Variants in TFB1M observed in about 807,000 individuals in gnomAD.
TFB1M encodes the protein dimethyladenosine transferase 1, mitochondrial.
A neutral mutation model predicts 31.1 loss-of-function variants in TFB1M; 27 were observed. The ratio of observed to expected loss-of-function variants is 0.87; its 90% CI spans 0.64 to 1.20. TFB1M has a LOEUF of 1.20. TFB1M is among the 50% of genes most tolerant of loss of function. The pLI is 0.00. For missense variants in TFB1M, 394 were observed against 418.7 expected, an observed-to-expected ratio of 0.94 and a Z score of 0.51; for synonymous variants, 166 against 151.8, an observed-to-expected ratio of 1.09 and a Z score of -0.69.
At chr6:155,300,066 AT>A (rs1246092105) in intron 2 of TFB1M, among the ~76,000 whole-genome samples, 1 of 152,238 alleles carries the variant, frequency 6.6e-6, no homozygotes, top group African/African-American at 2.4e-5. Context: ...ACCAAATGGC[AT>A]TCAGGTCTCT....
intron 5 of TFB1M, among the ~76,000 whole-genome samples, chr6:155,279,129 T>A (rs1168662812): frequency 6.6e-6 from 1 of 152,100 alleles, no homozygotes; most frequent in Non-Finnish European, 1.5e-5. Flanking sequence ...TGAGAAATCA[T>A]AGTCTAATTT....
chr6:155,269,324 C>G (rs200942780), intron 5 of TFB1M, among the ~76,000 whole-genome samples: 1 of 127,270 alleles, frequency 7.9e-6, no homozygotes, highest in Non-Finnish European at 1.6e-5. Context: ...CTTTTCTTTT[C>G]TTTTTTTTTT....
At chr6:155,250,804 C>T in the TFB1M span, 440 of 1,260,032 alleles carry the variant, frequency 3.5e-4, no homozygotes, top group Non-Finnish European at 3.7e-4. Context: ...AAAAATTAAA[C>T]CAGCTGTGCT....
chr6:155,314,414 TC>T lies in TFB1M; in HGVS notation c.14del (p.Gly5GlufsTer21). 1 of 1,614,210 alleles carries T rather than the reference TC, an allele frequency of 6.2e-7. No homozygotes were observed. Among genetic ancestry groups the T allele is most frequent in the Non-Finnish European group, 8.5e-7 (1 of 1,180,036 alleles). ...GAGGGAGACGGCAAGTGCTGAGTTT[TC>T]CGGAGGCAGCCATGATACGCGGCAA... Reference protein sequence around the residue: MAASGKLSTCRLPPL... With the variant: MAASXKLSTCRLPPL... On this transcript the variant is annotated frameshift_variant, in exon 1 of 7. Coordinates refer to ENST00000367166, the MANE Select transcript of TFB1M (RefSeq NM_016020.4). LOFTEE classifies it high-confidence loss of function.
At chr6:155,306,541 T>G (rs1777773694) in intron 2 of TFB1M, among the ~76,000 whole-genome samples, 1 of 151,940 alleles carries the variant, frequency 6.6e-6, no homozygotes, top group Non-Finnish European at 1.5e-5. Flanking sequence ...TATTCAGCAA[T>G]AAAAAGGAGC....
At chr6:155,250,772 G>T in the TFB1M span, 4 of 1,116,734 alleles carry the variant, frequency 3.6e-6, no homozygotes, top group Admixed American at 2.1e-5. Context: ...ACCGTTTAAG[G>T]CCCCATGTTT....
At chr6:155,254,119 A>G, downstream of TFB1M, 1 of 1,547,534 alleles carries the variant, frequency 6.5e-7, no homozygotes, top group Non-Finnish European at 8.8e-7. Flanking sequence ...ATGTCTCTTA[A>G]GGGAATTTAT....
intron 5 of TFB1M, among the ~76,000 whole-genome samples, chr6:155,273,432 T>C (rs1785032520): frequency 6.6e-6 from 1 of 152,264 alleles, no homozygotes; most frequent in African/African-American, 2.4e-5. Flanking sequence ...GCAAAGTTTA[T>C]ACTTTAAATA....
chr6:155,283,607 C>T (rs1776485203), intron 5 of TFB1M, among the ~76,000 whole-genome samples: 1 of 152,152 alleles, frequency 6.6e-6, no homozygotes, highest in Non-Finnish European at 1.5e-5. Flanking sequence ...ATAATCTCAA[C>T]TAGGTAACTA....
At chr6:155,311,927 G>A (rs1422722826) in intron 1 of TFB1M, among the ~76,000 whole-genome samples, 1 of 152,132 alleles carries the variant, frequency 6.6e-6, no homozygotes, top group African/African-American at 2.4e-5. Flanking sequence ...TTGAGCAGTT[G>A]AGGGTTTTTA....
intron 2 of TFB1M, among the ~76,000 whole-genome samples, chr6:155,307,089 A>G (rs551756419): frequency 6.6e-6 from 1 of 151,802 alleles, no homozygotes; most frequent in African/African-American, 2.4e-5. Flanking sequence ...TGCTTGTGTC[A>G]CTGCACTCCA....
intron 1 of TFB1M, 76 bp from the exon 2 acceptor site, chr6:155,311,415 T>C: frequency 7.6e-7 from 1 of 1,320,188 alleles, no homozygotes. Context: ...AGAAAAATCT[T>C]CTATAAAAAT....
chr6:155,275,348 C>A (rs974455190), intron 5 of TFB1M, among the ~76,000 whole-genome samples: 1 of 152,196 alleles, frequency 6.6e-6, no homozygotes. Flanking sequence ...CATGTCCACG[C>A]TACAGTTTCA....
chr6:155,309,479 T>C (rs1376649820), intron 2 of TFB1M, among the ~76,000 whole-genome samples: 5 of 152,154 alleles, frequency 3.3e-5, no homozygotes, highest in Admixed American at 6.5e-5. Context: ...CGCAGTGACT[T>C]ATGGGTTTGG....
intron 1 of TFB1M, among the ~76,000 whole-genome samples, chr6:155,312,112 C>T (rs1778040815): frequency 6.6e-6 from 1 of 152,092 alleles, no homozygotes; most frequent in Non-Finnish European, 1.5e-5. Context: ...ATATGGAAAT[C>T]CAAGGAACTG....
chr6:155,271,266 A>G (rs1784902270), intron 5 of TFB1M, among the ~76,000 whole-genome samples: 1 of 152,202 alleles, frequency 6.6e-6, no homozygotes, highest in African/African-American at 2.4e-5. Flanking sequence ...TGAGGAAGAA[A>G]AAAATGAGAA....
chr6:155,289,135 T>G (rs1035841198), intron 4 of TFB1M, among the ~76,000 whole-genome samples: 2 of 152,122 alleles, frequency 1.3e-5, no homozygotes, highest in African/African-American at 4.8e-5. Flanking sequence ...CTTGAGAAGC[T>G]ACACAGCCAT....
At chr6:155,277,223 T>G (rs1243232483) in intron 5 of TFB1M, among the ~76,000 whole-genome samples, 1 of 152,276 alleles carries the variant, frequency 6.6e-6, no homozygotes, top group Non-Finnish European at 1.5e-5. Flanking sequence ...CTCTCTCATT[T>G]ATTCATATTT....
At chr6:155,252,288 A>G (rs544087475), downstream of TFB1M, among the ~76,000 whole-genome samples, 25 of 152,262 alleles carry the variant, frequency 1.6e-4, no homozygotes, top group Admixed American at 1.2e-3. Flanking sequence ...CCTGGCCAAC[A>G]TGGTGAAACC....
Sources: gnomAD v4.1 joint callset for allele counts (sites outside exome capture counted in the v4.1 genomes callset) on GRCh38, gnomAD v4.1.1 for gene constraint, MANE v1.5 for transcripts, NCBI Gene and HGNC (gene_info 2026-07-23, HGNC 2026-07-21) for gene names.